The following PRMT9 variants were observed in gnomAD, a reference collection of about 807,000 sequenced individuals.
PRMT9 encodes the protein protein arginine N-methyltransferase 9.
Under a neutral mutation model 83.2 loss-of-function variants are expected in PRMT9, and 59 were observed. The ratio of observed to expected loss-of-function variants is 0.71; its 90% CI spans 0.57 to 0.88. The LOEUF (loss-of-function observed/expected upper bound fraction) is 0.88, where lower values mean the gene tolerates loss of function less well. Ranked by LOEUF, PRMT9 falls within the 40% of genes least tolerant of loss-of-function variation. The pLI is 0.00. For missense variants in PRMT9, 947 were observed against 1,021.9 expected (o/e 0.93, Z 1.00); for synonymous variants, 333 against 353.2 (o/e 0.94, Z 0.64).
At chr4:147,646,781 T>C (rs1733758287) in intron 9 of PRMT9, among the ~76,000 whole-genome samples, 1 of 152,170 alleles carries the variant, frequency 6.6e-6, no homozygotes, top group African/African-American at 2.4e-5. Context: ...TCAGGTGCTA[T>C]AAAAGCTCAG....
chr4:147,658,502 G>GT (rs1195642110), intron 7 of PRMT9, among the ~76,000 whole-genome samples: 1 of 152,128 alleles, frequency 6.6e-6, no homozygotes, highest in Non-Finnish European at 1.5e-5. Flanking sequence ...TTTCTATCCT[G>GT]TATTGCTTGA....
rs1736704371 is a variant in PRMT9 at position 147,684,117 on chromosome 4, G to C, written c.-130C>G. On this transcript the variant is annotated 5_prime_UTR_variant, in exon 1 of 12. Coordinates refer to ENST00000322396, the MANE Select transcript of PRMT9 (RefSeq NM_138364.4). ...GCACAGCAAAGTTACCCTCCGCCGC[G>C]GGTGAACTCGCCAACCCCAGCCCAG... 3.6e-6 allele frequency: 4 copies of C among 1,105,438 alleles called. No homozygotes were observed. The highest frequency in any genetic ancestry group is 2.0e-5 in the Admixed American group (1 of 49,828). The allele number at this position is 1,105,438 out of a possible 1,614,324, so 68.5% of individuals were successfully genotyped here.
chr4:147,660,585 G>A (rs1734884356), intron 7 of PRMT9, among the ~76,000 whole-genome samples: 1 of 152,116 alleles, frequency 6.6e-6, no homozygotes, highest in Admixed American at 6.5e-5. Flanking sequence ...AGCCGAGATG[G>A]TGCCACTGCA....
At chr4:147,643,210 T>G (rs75306154) in intron 9 of PRMT9, among the ~76,000 whole-genome samples, 5,293 of 152,166 alleles carry the variant, frequency 0.035, 234 homozygotes, top group East Asian at 0.23. Context: ...GCAGTTGCAG[T>G]GAACCAACAT....
intron 2 of PRMT9, among the ~76,000 whole-genome samples, chr4:147,679,026 T>G (rs1177733816): frequency 6.6e-6 from 1 of 152,240 alleles, no homozygotes; most frequent in Non-Finnish European, 1.5e-5. Flanking sequence ...TCCCAACATG[T>G]AAGTTATCAA....
chr4:147,668,775 T>G (rs540678159), intron 5 of PRMT9, 130 bp from the exon 6 acceptor site: 77 of 654,496 alleles, frequency 1.2e-4, no homozygotes, highest in African/African-American at 8.3e-4. Context: ...AAGTTAAAGG[T>G]TTTTTTTTCT....
At chr4:147,678,960 G>T (rs1297077352) in intron 2 of PRMT9, among the ~76,000 whole-genome samples, 1 of 152,174 alleles carries the variant, frequency 6.6e-6, no homozygotes, top group Non-Finnish European at 1.5e-5. Flanking sequence ...AGGACTACAT[G>T]GTGAGGCCTG....
Position 147,683,951 on chromosome 4 carries a change from C to A in PRMT9, c.37G>T (p.Gly13Trp). The change falls in exon 1 of 12, where the codon GGG becomes TGG. Residue 13 changes from glycine (G) to tryptophan (W), a missense_variant. Physicochemically the swap from Gly to Trp is radical, Grantham distance 184 (BLOSUM62 -2). Coordinates refer to ENST00000322396, the MANE Select transcript of PRMT9 (RefSeq NM_138364.4). ...CGGCCGGCTGCCCCAGCGCCACCCCCGGCGTCTCGGCGGGACCTGGGCCGC... is the reference window on the plus strand; with the variant it reads ...CGGCCGGCTGCCCCAGCGCCACCCCAGGCGTCTCGGCGGGACCTGGGCCGC... ...NSRPRSRRDA[G>W]GGAGAAGRDE... The A allele has an allele frequency of 6.2e-7, 1 of 1,612,944 alleles. No homozygotes were observed.
intron 9 of PRMT9, among the ~76,000 whole-genome samples, chr4:147,650,787 C>A (rs111508990): frequency 1.3e-5 from 2 of 152,306 alleles, no homozygotes; most frequent in African/African-American, 4.8e-5. Context: ...TAAAGACAGA[C>A]ATACAGACCA....
intron 3 of PRMT9, among the ~76,000 whole-genome samples, chr4:147,673,331 C>T (rs936090572): frequency 6.6e-6 from 1 of 152,124 alleles, no homozygotes; most frequent in African/African-American, 2.4e-5. Flanking sequence ...ATTAAAGACA[C>T]AACTGGCATT....
Position 147,638,745 on chromosome 4 carries a change from T to C in PRMT9, c.2325A>G (p.Val775=). 1 of 1,604,882 alleles carries C rather than the reference T, an allele frequency of 6.2e-7. No homozygotes were observed. The highest frequency in any genetic ancestry group is 8.5e-7 in the Non-Finnish European group (1 of 1,172,480). The change falls in exon 12 of 12, where the codon GTA becomes GTG. Residue 775 remains valine, a splice_region_variant and synonymous_variant. Transcript: ENST00000322396. ...YLNTSNREVK[V]YVCKSGRLTA... is the part of the protein sequence containing the mutation. Reference sequence around the variant, plus strand: ...TCAGTCTTCCAGATTTACAAACGTATACCTATGAAAATAAAGAAATTAGGA... The same window carrying C: ...TCAGTCTTCCAGATTTACAAACGTACACCTATGAAAATAAAGAAATTAGGA...
At chr4:147,656,792 A>G (rs1440517358) in intron 8 of PRMT9, among the ~76,000 whole-genome samples, 61 of 149,184 alleles carry the variant, frequency 4.1e-4, no homozygotes, top group Middle Eastern at 7.1e-3. Flanking sequence ...AAAAAAAAAA[A>G]AAAGAAAGAA....
chr4:147,657,130 G>A (rs887688391), intron 8 of PRMT9, among the ~76,000 whole-genome samples: 3 of 152,010 alleles, frequency 2.0e-5, no homozygotes, highest in Admixed American at 6.5e-5. Context: ...CTCCACAGAC[G>A]TTATCGGCTT....
chr4:147,666,410 G>T (rs1735332626), intron 6 of PRMT9, among the ~76,000 whole-genome samples: 1 of 151,928 alleles, frequency 6.6e-6, no homozygotes, highest in Non-Finnish European at 1.5e-5. Context: ...TAAAAGTAGG[G>T]ATCTAACTTT....
At chr4:147,681,269 A>C (rs1255255810) in intron 1 of PRMT9, among the ~76,000 whole-genome samples, 5 of 152,178 alleles carry the variant, frequency 3.3e-5, no homozygotes, top group Non-Finnish European at 5.9e-5. Flanking sequence ...GTTACAACCT[A>C]ATCTGGCCCT....
At chr4:147,641,896 G>C (rs1166285489) in intron 10 of PRMT9, among the ~76,000 whole-genome samples, 1 of 152,038 alleles carries the variant, frequency 6.6e-6, no homozygotes, top group African/African-American at 2.4e-5. Context: ...TTATGAGCTC[G>C]AGCAATCCGC....
At chr4:147,652,097 CAA>C (rs1734138319) in intron 9 of PRMT9, among the ~76,000 whole-genome samples, 1 of 152,042 alleles carries the variant, frequency 6.6e-6, no homozygotes, top group Non-Finnish European at 1.5e-5. Flanking sequence ...ACTGCAACTA[CAA>C]AAACAAAAAC....
intron 5 of PRMT9, among the ~76,000 whole-genome samples, chr4:147,670,165 GTTGTT>G (rs145703293): frequency 0.99 from 150,079 of 151,372 alleles, 74,398 homozygotes; most frequent in East Asian, 1. Flanking sequence ...ATGTTTTTAT[GTTGTT>G]TTGTTTTGTT....
intron 5 of PRMT9, 109 bp downstream of exon 5, chr4:147,670,532 G>A (rs913920149): frequency 5.3e-5 from 46 of 864,476 alleles, no homozygotes; most frequent in Non-Finnish European, 8.5e-5. Context: ...GTACACCTTG[G>A]CAATGGAAAA....
Sources: allele counts gnomAD v4.1 joint callset (sites outside exome capture counted in the v4.1 genomes callset), GRCh38; gene constraint gnomAD v4.1.1; transcripts MANE v1.5; gene names NCBI Gene and HGNC (gene_info 2026-07-23, HGNC 2026-07-21).